The following THBS1 variants were observed in gnomAD, a reference collection of about 807,000 sequenced individuals.
THBS1 encodes thrombospondin-1.
Under a neutral mutation model 126.1 loss-of-function variants are expected in THBS1, and 29 were observed. The ratio of observed to expected loss-of-function variants is 0.23; its 90% CI spans 0.17 to 0.31. THBS1 has a LOEUF of 0.31. THBS1 is among the 10% of genes least tolerant of loss of function. The probability of loss-of-function intolerance (pLI) is 1.00; values close to 1 mark genes in which losing one functional copy is unlikely to be tolerated. For synonymous variants in THBS1, 496 were observed against 577.8 expected, an observed-to-expected ratio of 0.86 and a Z score of 2.03; for missense variants, 1,198 against 1,545.2, an observed-to-expected ratio of 0.78 and a Z score of 3.77.
chr15:39,593,039 A>G lies in THBS1; in HGVS notation c.2807A>G (p.His936Arg), dbSNP rs778565206. 1 of 1,611,744 alleles carries G rather than the reference A, an allele frequency of 6.2e-7. No individual in the cohort carries two copies. Among genetic ancestry groups the G allele is most frequent in the East Asian group, 2.2e-5 (1 of 44,874 alleles). Residue 936 changes from histidine to arginine, a missense_variant, in exon 18 of 22, where the codon CAT becomes CGT. Physicochemically the swap from His to Arg is conservative, Grantham distance 29 (BLOSUM62 0). Transcript: ENST00000260356. This position sits in a 1 kb window ranked among gnomAD's most constrained non-coding sequence, Gnocchi z 5.9. ...RGDACKDDFDHDSVPDIDDIC... is the reference protein window; with the variant it reads ...RGDACKDDFDRDSVPDIDDIC... The stretch of plus-strand genomic sequence containing the variant: ...GATGCCTGCAAAGATGATTTTGACC[A>G]TGACAGTGTGCCAGACATCGATGAC...
At position 39,598,313 on chromosome 15, in the gene THBS1, C is replaced by G. The variant is rs944320399; in HGVS notation, c.*2944C>G. 1.6e-4 allele frequency: 25 copies of G among 152,316 alleles called. No homozygotes were observed. The highest frequency in any genetic ancestry group is 2.9e-5 in the Non-Finnish European group (2 of 68,030). The allele number at this position is 152,316 out of a possible 1,614,324, so 9.4% of individuals were successfully genotyped here. A position where few individuals can be genotyped will look rare whatever the true frequency, so the allele number is the denominator to read the frequency against. On this transcript the variant is annotated 3_prime_UTR_variant, in exon 22 of 22. Transcript: ENST00000260356. ...TCACTCTCATTCTATAAATACTCAT[C>G]TTTCTGAGTAGCCATGATCACATAC...
Position 39,582,734 on chromosome 15 carries a change from C to T in THBS1, c.609C>T (p.Gly203=), listed in dbSNP as rs774558560. 9 of 1,609,516 alleles carry T rather than the reference C, an allele frequency of 5.6e-6. No individual in the cohort carries two copies. Among genetic ancestry groups the T allele is most frequent in the Middle Eastern group, 1.7e-4 (1 of 6,056 alleles). ...CCAGACTCCGCATCGCAAAGGGGGG[C>T]GTCAATGACAATTTCCAGGTGAGGC... ...SIARLRIAKG[G]VNDNFQGVLQ... Residue 203 remains glycine (G), a synonymous_variant, in exon 3 of 22, where the codon GGC becomes GGT. Coordinates refer to ENST00000260356, the MANE Select transcript of THBS1 (RefSeq NM_003246.4).
chr15:39,584,450 G>A, intron 6 of THBS1, 28 bp downstream of exon 6: 1 of 1,612,512 alleles, frequency 6.2e-7, no homozygotes. Flanking sequence ...GCCAGAATAA[G>A]AATCGACGGC....
chr15:39,592,500 G>A lies in THBS1; in HGVS notation c.2533-68G>A. ...AATGGAGAATTTTCCCTGTGGTGGG[G>A]GCATAAGTTATCTTTAACATGAATG... On this transcript the variant is annotated intron_variant, in intron 16 of 21. Coordinates refer to ENST00000260356, the MANE Select transcript of THBS1 (RefSeq NM_003246.4). The surrounding 1 kb of genome is among the most constrained non-coding windows in gnomAD (Gnocchi z 4.3). 3.0e-6 allele frequency: 4 copies of A among 1,318,534 alleles called. No individual in the cohort carries two copies. The South Asian group carries it at 5.7e-5, about 19-fold the overall frequency. The allele number at this position is 1,318,534 out of a possible 1,614,324, so 81.7% of individuals were successfully genotyped here.
rs1041451816 is a variant in THBS1 at position 39,587,520 on chromosome 15, T to C, written c.1294T>C (p.Phe432Leu). ...TCHIQECDKR[F>L]KQDGGWSHWS... ...CCACATTCAGGAGTGTGACAAGAGA[T>C]GTAAGCATCTTAGCCTCTCAGGGAC... The change falls in exon 8 of 22, where the codon TTT (phenylalanine) becomes CTT (leucine). Residue 432 changes from phenylalanine (F) to leucine (L), a missense_variant and splice_region_variant. By Grantham distance (22) the Phe-to-Leu change is conservative. Coordinates refer to ENST00000260356, the MANE Select transcript of THBS1 (RefSeq NM_003246.4). 6.2e-7 allele frequency: 1 copy of C among 1,610,164 alleles called. No individual in the cohort carries two copies. Among genetic ancestry groups the C allele is most frequent in the Non-Finnish European group, 8.5e-7 (1 of 1,177,444 alleles).
In THBS1 at chr15:39,596,097, G is replaced by A. The variant is rs1231983470; in HGVS notation, c.*728G>A. On this transcript the variant is annotated 3_prime_UTR_variant, in exon 22 of 22. Coordinates refer to ENST00000260356, the MANE Select transcript of THBS1 (RefSeq NM_003246.4). ...ATTAGGGAATCAGAATCAAACCAGTGTAAGGCAGTGCTGGCTGCCATTGCC... is the reference window on the plus strand; with the variant it reads ...ATTAGGGAATCAGAATCAAACCAGTATAAGGCAGTGCTGGCTGCCATTGCC... 6 of 336,100 alleles carry A rather than the reference G, an allele frequency of 1.8e-5. No homozygotes were observed. The highest frequency in any genetic ancestry group is 4.3e-5 in the African/African-American group (2 of 46,514). 20.8% of individuals were successfully genotyped at this position (336,100 alleles called of 1,614,324 possible).
At position 39,595,811 on chromosome 15, in the gene THBS1, G is replaced by A. The variant is rs544870875; in HGVS notation, c.*442G>A. 8.7e-6 allele frequency: 4 copies of A among 460,220 alleles called. No homozygotes were observed. Among genetic ancestry groups the A allele is most frequent in the African/African-American group, 2.0e-5 (1 of 50,420 alleles). The allele number at this position is 460,220 out of a possible 1,614,324, so 28.5% of individuals were successfully genotyped here. On this transcript the variant is annotated 3_prime_UTR_variant, in exon 22 of 22. Transcript: ENST00000260356. Reference sequence around the variant, plus strand: ...TGACATCCTCCTTCAGGAACACGGGGAGCAGAGGCCAAAGCACTAAGGGGA... The same window carrying A: ...TGACATCCTCCTTCAGGAACACGGGAAGCAGAGGCCAAAGCACTAAGGGGA...
Position 39,595,591 on chromosome 15 carries a change from A to G in THBS1, c.*222A>G, listed in dbSNP as rs1191475802. 1.6e-6 allele frequency: 1 copy of G among 635,312 alleles called. No homozygotes were observed. The highest frequency in any genetic ancestry group is 2.8e-6 in the Non-Finnish European group (1 of 353,480). The allele number at this position is 635,312 out of a possible 1,614,324, so 39.4% of individuals were successfully genotyped here. A position where few individuals can be genotyped will look rare whatever the true frequency, so the allele number is the denominator to read the frequency against. ...CCTCCAATGAATAAGACATCTTCCA[A>G]GCATATAAACAATTGCTTTGGTTTC... On this transcript the variant is annotated 3_prime_UTR_variant, in exon 22 of 22. Coordinates refer to ENST00000260356, the MANE Select transcript of THBS1 (RefSeq NM_003246.4).
rs780530641 is a variant in THBS1, at chr15:39,583,720, A to T, written c.703+28A>T. ...GAGTACCCCTCTATTTTTAGGGCAC[A>T]TAGGGAATCAGGGGGAATTCCACCA... On this transcript the variant is annotated intron_variant, in intron 4 of 21. Coordinates refer to ENST00000260356, the MANE Select transcript of THBS1 (RefSeq NM_003246.4). The T allele has an allele frequency of 8.1e-6, 13 of 1,600,076 alleles. No homozygotes were observed. The African/African-American group carries it at 1.8e-4, about 22-fold the overall frequency.
rs904366930 is a variant in THBS1 at position 39,582,581 on chromosome 15, G to A, written c.456G>A (p.Gln152=). 1 of 1,614,182 alleles carries A rather than the reference G, an allele frequency of 6.2e-7. No individual in the cohort carries two copies. The highest frequency in any genetic ancestry group is 8.5e-7 in the Non-Finnish European group (1 of 1,180,050). Residue 152 remains glutamine, a synonymous_variant, in exon 3 of 22, where the codon CAG becomes CAA. Coordinates refer to ENST00000260356, the MANE Select transcript of THBS1 (RefSeq NM_003246.4). ...SVEEALLATG[Q]WKSITLFVQE... ...AAGAAGCTCTCCTGGCAACCGGCCA[G>A]TGGAAGAGCATCACCCTGTTTGTGC...
In THBS1 at chr15:39,589,873, C is replaced by T; in HGVS notation, c.1995C>T (p.Tyr665=). ...GCAACAAGAACGCCAAGTGCAACTA[C>T]CTGGGCCACTATAGCGACCCCATGT... ...HDCNKNAKCN[Y]LGHYSDPMYR... Residue 665 remains tyrosine (Y), a synonymous_variant, in exon 13 of 22, where the codon TAC becomes TAT. Coordinates refer to ENST00000260356, the MANE Select transcript of THBS1 (RefSeq NM_003246.4). This position sits in a 1 kb window ranked among gnomAD's most constrained non-coding sequence, Gnocchi z 4.7. 1 of 1,614,198 alleles carries T rather than the reference C, an allele frequency of 6.2e-7. No individual in the cohort carries two copies. The highest frequency in any genetic ancestry group is 1.1e-5 in the South Asian group (1 of 91,078).
In THBS1 at chr15:39,584,127, C is replaced by T. The variant is rs1259495999; in HGVS notation, c.843C>T (p.Val281=). The change falls in exon 5 of 22, where the codon GTC becomes GTT. Residue 281 remains valine (V), a synonymous_variant. Transcript: ENST00000260356. ...CCTGTGATGAGCTGTCCAGCATGGT[C>T]CTGGAACTCAGGGGCCTGCGCACCA... ...GISCDELSSM[V]LELRGLRTIV... 1.2e-6 allele frequency: 2 copies of T among 1,614,234 alleles called. No homozygotes were observed. Among genetic ancestry groups the T allele is most frequent in the South Asian group, 1.1e-5 (1 of 91,076 alleles).
rs147655650 is a variant in THBS1 at position 39,593,151 on chromosome 15, T to G, written c.2919T>G (p.Asn973Lys). 28 of 1,604,018 alleles carry G rather than the reference T, an allele frequency of 1.7e-5. No individual in the cohort carries two copies. The highest frequency in any genetic ancestry group is 2.3e-5 in the Non-Finnish European group (27 of 1,176,162). ...IPLDPKGTSQ[N>K]DPNWVVRHQG... Reference sequence around the variant, plus strand: ...TGGACCCCAAAGGGACATCCCAAAATGACCCTAACTGGGTTGTACGCCATC... The same window carrying G: ...TGGACCCCAAAGGGACATCCCAAAAGGACCCTAACTGGGTTGTACGCCATC... Residue 973 changes from asparagine to lysine, a missense_variant, in exon 18 of 22, where the codon AAT (asparagine) becomes AAG (lysine). Asn to Lys is a moderately conservative substitution (Grantham distance 94, BLOSUM62 0). Coordinates refer to ENST00000260356, the MANE Select transcript of THBS1 (RefSeq NM_003246.4). This position sits in a 1 kb window ranked among gnomAD's most constrained non-coding sequence, Gnocchi z 5.9.
rs1890373472 is a variant in THBS1 at position 39,593,610 on chromosome 15, C to A, written c.3209C>A (p.Thr1070Lys). The A allele has an allele frequency of 2.5e-6, 4 of 1,614,206 alleles. No individual in the cohort carries two copies. The East Asian group carries it at 8.9e-5, about 36-fold the overall frequency. Residue 1070 changes from threonine (T) to lysine (K), a missense_variant, in exon 19 of 22, where the codon ACA becomes AAA. Thr to Lys is a moderately conservative substitution (Grantham distance 78). Coordinates refer to ENST00000260356, the MANE Select transcript of THBS1 (RefSeq NM_003246.4). This position sits in a 1 kb window ranked among gnomAD's most constrained non-coding sequence, Gnocchi z 5.9. ...TCTGTGAAAGTTGTAAACTCCACCA[C>A]AGGGCCTGGCGAGCACCTGCGGAAC... The part of the protein sequence containing the change: ...GLSVKVVNST[T>K]GPGEHLRNAL...
chr15:39,583,554 T>TA, intron 3 of THBS1, 63 bp from the exon 4 acceptor site: 12 of 1,082,004 alleles, frequency 1.1e-5, no homozygotes, highest in Non-Finnish European at 1.2e-5. Flanking sequence ...ACAGACAGTC[T>TA]CCCCCAACCC....
At position 39,595,653 on chromosome 15, in the gene THBS1, G is replaced by A. The variant is rs943249086; in HGVS notation, c.*284G>A. On this transcript the variant is annotated 3_prime_UTR_variant, in exon 22 of 22. Transcript: ENST00000260356. Reference sequence around the variant, plus strand: ...GCATCTACTTGCTTCAGTTGGGAAGGTGCCCATTCCACTCTGCCTTTGTCA... The same window carrying A: ...GCATCTACTTGCTTCAGTTGGGAAGATGCCCATTCCACTCTGCCTTTGTCA... 9 of 589,178 alleles carry A rather than the reference G, an allele frequency of 1.5e-5. No individual in the cohort carries two copies. The highest frequency in any genetic ancestry group is 2.6e-5 in the Non-Finnish European group (8 of 312,946). 36.5% of individuals were successfully genotyped at this position (589,178 alleles called of 1,614,324 possible). A position where few individuals can be genotyped will look rare whatever the true frequency, so the allele number is the denominator to read the frequency against.
chr15:39,582,341 T>C lies in THBS1; in HGVS notation c.216T>C (p.Asp72=), dbSNP rs1890125821. 1.2e-6 allele frequency: 2 copies of C among 1,614,076 alleles called. No individual in the cohort carries two copies. Among genetic ancestry groups the C allele is most frequent in the African/African-American group, 1.3e-5 (1 of 74,912 alleles). ...EDANLIPPVP[D]DKFQDLVDAV... ...CCAACCTGATCCCCCCTGTGCCTGA[T>C]GACAAGTTCCAAGACCTGGTGGATG... Residue 72 remains aspartate (D), a synonymous_variant, in exon 3 of 22, where the codon GAT becomes GAC. Transcript: ENST00000260356.
rs551027688 is a variant in THBS1 at position 39,594,866 on chromosome 15, T to C, written c.3505+426T>C. Among the ~76,000 whole-genome samples, 2 of 152,262 alleles carry C rather than the reference T, an allele frequency of 1.3e-5. No individual in the cohort carries two copies. The highest frequency in any genetic ancestry group is 2.9e-5 in the Non-Finnish European group (2 of 68,052). ...GAGGAATGTTGCTTTCATATTGGCA[T>C]GTTAAATTAATGTTCACTATTAAAC... On this transcript the variant is annotated intron_variant, in intron 21 of 21. Coordinates refer to ENST00000260356, the MANE Select transcript of THBS1 (RefSeq NM_003246.4). The surrounding 1 kb of genome is among the most constrained non-coding windows in gnomAD (Gnocchi z 4.4).
In THBS1 at chr15:39,588,493, C is replaced by G. The variant is rs1890253887; in HGVS notation, c.1472-33C>G. On this transcript the variant is annotated intron_variant, in intron 9 of 21. Transcript: ENST00000260356. ...ACAAGGGAGGGATTTGAAAGTTGAT[C>G]TTAATTGTTGCCTGTGGTTCATCTT... The G allele has an allele frequency of 3.9e-6, 6 of 1,523,494 alleles. No homozygotes were observed. The South Asian group carries it at 8.0e-5, about 20-fold the overall frequency. The allele number at this position is 1,523,494 out of a possible 1,614,324, so 94.4% of individuals were successfully genotyped here.
Sources: allele counts gnomAD v4.1 joint callset (sites outside exome capture counted in the v4.1 genomes callset), GRCh38; gene constraint gnomAD v4.1.1; non-coding constraint Gnocchi (gnomAD v3.1); transcripts MANE v1.5; gene names NCBI Gene and HGNC (gene_info 2026-07-23, HGNC 2026-07-21).